The following ZCCHC14 variants were observed in gnomAD, a reference collection of about 807,000 sequenced individuals.
ZCCHC14 encodes the protein zinc finger CCHC-type containing 14.
ZCCHC14 carries 16 observed loss-of-function variants against 85.0 expected under a neutral mutation model. That is an observed-to-expected ratio of 0.19 (90% confidence interval 0.13 to 0.29). ZCCHC14 has a LOEUF of 0.29. ZCCHC14 is among the 10% of genes least tolerant of loss of function. The probability of loss-of-function intolerance (pLI) is 1.00; values close to 1 mark genes in which losing one functional copy is unlikely to be tolerated. For synonymous variants in ZCCHC14, 775 were observed against 630.7 expected (o/e 1.23, Z -3.43); for missense variants, 1,303 against 1,443.5 (o/e 0.90, Z 1.58).
intron 1 of ZCCHC14, among the ~76,000 whole-genome samples, chr16:87,479,700 T>G (rs1912180581): frequency 6.6e-6 from 1 of 152,160 alleles, no homozygotes; most frequent in Admixed American, 6.5e-5. Flanking sequence ...CCAGACAAAC[T>G]TACTTGCAGA....
At chr16:87,482,410 ACCAGCAGTG>A (rs1195934179) in intron 1 of ZCCHC14, among the ~76,000 whole-genome samples, 1 of 152,170 alleles carries the variant, frequency 6.6e-6, no homozygotes, top group Non-Finnish European at 1.5e-5. Flanking sequence ...GAAGAGGAAA[ACCAGCAGTG>A]CCAGAACTGG....
Position 87,492,354 on chromosome 16 carries a change from G to A in ZCCHC14, c.-116C>T. 2 of 213,124 alleles carry A rather than the reference G, an allele frequency of 9.4e-6. No individual in the cohort carries two copies. Among genetic ancestry groups the A allele is most frequent in the Non-Finnish European group, 1.6e-5 (2 of 128,004 alleles). The allele number at this position is 213,124 out of a possible 1,614,324, so 13.2% of individuals were successfully genotyped here. A position where few individuals can be genotyped will look rare whatever the true frequency, so the allele number is the denominator to read the frequency against. On this transcript the variant is annotated 5_prime_UTR_variant, in exon 1 of 13. Coordinates refer to ENST00000671377, the MANE Select transcript of ZCCHC14 (RefSeq NM_015144.3). The surrounding 1 kb of genome is among the most constrained non-coding windows in gnomAD (Gnocchi z 6.7). ...ACCGGGGACGCGCGGGCCGGGGCCGGGTCCGGGCGAGGGCGCGCGGGCGCC... is the reference window on the plus strand; with the variant it reads ...ACCGGGGACGCGCGGGCCGGGGCCGAGTCCGGGCGAGGGCGCGCGGGCGCC...
At chr16:87,480,038 G>C (rs1386660184) in intron 1 of ZCCHC14, among the ~76,000 whole-genome samples, 1 of 151,856 alleles carries the variant, frequency 6.6e-6, no homozygotes, top group Non-Finnish European at 1.5e-5. Context: ...GTCTCCCAAA[G>C]TGCTGGGGTT....
intron 1 of ZCCHC14, among the ~76,000 whole-genome samples, chr16:87,477,884 A>C: frequency 7.2e-6 from 1 of 138,414 alleles, no homozygotes; most frequent in Non-Finnish European, 1.5e-5. Context: ...GAACACCGAC[A>C]CGCCCCCACC....
At position 87,411,986 on chromosome 16, in the gene ZCCHC14, G is replaced by T. The variant is rs958349467; in HGVS notation, c.2735C>A (p.Pro912His). 1.2e-5 allele frequency: 19 copies of T among 1,608,658 alleles called. No individual in the cohort carries two copies. Among genetic ancestry groups the T allele is most frequent in the Admixed American group, 1.7e-5 (1 of 59,864 alleles). Reference protein sequence around the residue: ...HHHHHQQPPAPPQPAPPPPGC... With the variant: ...HHHHHQQPPAHPQPAPPPPGC... ...TGGCGGGGGTGGGGCGGGCTGCGGG[G>T]GTGCCGGGGGCTGCTGATGGTGGTG... Residue 912 changes from proline (P) to histidine (H), a missense_variant, in exon 12 of 13, where the codon CCC (proline) becomes CAC (histidine). Physicochemically the swap from Pro to His is moderately conservative, Grantham distance 77. Around this residue, in one of 7 missense-constraint regions of ZCCHC14, gnomAD observed 797 missense variants for 730.8 expected, o/e 1.09. Transcript: ENST00000671377.
At chr16:87,457,962 C>G (rs927475994) in intron 2 of ZCCHC14, among the ~76,000 whole-genome samples, 5 of 152,242 alleles carry the variant, frequency 3.3e-5, no homozygotes, top group African/African-American at 9.6e-5. Context: ...AATGACCACT[C>G]GTGGCCTCAG....
At position 87,417,644 on chromosome 16, in the gene ZCCHC14, G is replaced by A. The variant is rs774123700; in HGVS notation, c.1199C>T (p.Ser400Phe). The A allele has an allele frequency of 6.2e-7, 1 of 1,613,826 alleles. No homozygotes were observed. The highest frequency in any genetic ancestry group is 8.5e-7 in the Non-Finnish European group (1 of 1,179,936). The change falls in exon 8 of 13, where the codon TCC becomes TTC. Residue 400 changes from serine to phenylalanine, a missense_variant. By Grantham distance (155) the Ser-to-Phe change is radical. Transcript: ENST00000671377. Reference sequence around the variant, plus strand: ...GGCTGAGCCCGCGCTGCCCGCATGGGAGCAGTGAGGCAAGGGGGCGGCGGA... The same window carrying A: ...GGCTGAGCCCGCGCTGCCCGCATGGAAGCAGTGAGGCAAGGGGGCGGCGGA... ...AGSAAPLPHC[S>F]HAGSAGSALA...
chr16:87,469,647 GTTA>G (rs1262595775), intron 1 of ZCCHC14, among the ~76,000 whole-genome samples: 1 of 152,234 alleles, frequency 6.6e-6, no homozygotes, highest in Non-Finnish European at 1.5e-5. Flanking sequence ...GTTAGTTGCT[GTTA>G]TTATTGTGGT....
At chr16:87,459,328 G>C (rs1469373148) in intron 2 of ZCCHC14, among the ~76,000 whole-genome samples, 2 of 151,632 alleles carry the variant, frequency 1.3e-5, no homozygotes, top group African/African-American at 4.8e-5. Flanking sequence ...GGAGGAGGGT[G>C]TAAAACTTAT....
chr16:87,477,796 C>T (rs1178411702), intron 1 of ZCCHC14, among the ~76,000 whole-genome samples: 17 of 151,588 alleles, frequency 1.1e-4, no homozygotes, highest in African/African-American at 4.1e-4. Context: ...CTGCCCCTCA[C>T]CGCACACACC....
chr16:87,443,722 G>C (rs1386059096), intron 2 of ZCCHC14, among the ~76,000 whole-genome samples: 2 of 152,066 alleles, frequency 1.3e-5, no homozygotes, highest in East Asian at 3.9e-4. Flanking sequence ...GGGTGACAGA[G>C]TGAGATACTA....
chr16:87,491,644 G>A lies in ZCCHC14; in HGVS notation c.570+25C>T, dbSNP rs142061712. The A allele has an allele frequency of 2.4e-4, 338 of 1,390,150 alleles. 2 individuals are homozygous for A. The African/African-American group carries it at 4.9e-3, about 20-fold the overall frequency. The allele number at this position is 1,390,150 out of a possible 1,614,324, so 86.1% of individuals were successfully genotyped here. ...TTGGGGATGCAGACTTGGGGTACAG[G>A]GCAGAGCTCGGGGCGGGCACGCACC... On this transcript the variant is annotated intron_variant, in intron 1 of 12. Transcript: ENST00000671377. This position sits in a 1 kb window ranked among gnomAD's most constrained non-coding sequence, Gnocchi z 5.9.
At chr16:87,459,107 G>A (rs1911124858) in intron 2 of ZCCHC14, among the ~76,000 whole-genome samples, 1 of 152,178 alleles carries the variant, frequency 6.6e-6, no homozygotes, top group Non-Finnish European at 1.5e-5. Flanking sequence ...CTCAGGCCGC[G>A]CCTCACTACC....
intron 1 of ZCCHC14, chr16:87,470,570 C>G (rs1911732715): frequency 6.6e-6 from 1 of 152,140 alleles, no homozygotes; most frequent in African/African-American, 2.4e-5. Context: ...TGGGAGGAGT[C>G]TGCTGTTAGG....
chr16:87,417,092 C>T (rs1371811458), intron 8 of ZCCHC14, among the ~76,000 whole-genome samples: 1 of 152,228 alleles, frequency 6.6e-6, no homozygotes, highest in African/African-American at 2.4e-5. Context: ...TCCTCTAGAT[C>T]TGGCCCGCCG....
intron 1 of ZCCHC14, among the ~76,000 whole-genome samples, chr16:87,483,035 A>G (rs1219366501): frequency 6.6e-6 from 1 of 152,160 alleles, no homozygotes; most frequent in Non-Finnish European, 1.5e-5. Context: ...ACTGATAAAT[A>G]TAGCATTTAA....
At chr16:87,477,371 T>C (rs1457131587) in intron 1 of ZCCHC14, among the ~76,000 whole-genome samples, 2 of 152,098 alleles carry the variant, frequency 1.3e-5, no homozygotes, top group Non-Finnish European at 2.9e-5. Flanking sequence ...ACCAAGACCA[T>C]GGATCCCGCC....
chr16:87,471,222 A>C (rs563978439), intron 1 of ZCCHC14: 2 of 152,350 alleles, frequency 1.3e-5, no homozygotes, highest in African/African-American at 4.8e-5. Context: ...TAACGTAAAA[A>C]ACATAAAACA....
At chr16:87,449,591 C>T (rs187435207) in intron 2 of ZCCHC14, among the ~76,000 whole-genome samples, 12 of 152,056 alleles carry the variant, frequency 7.9e-5, no homozygotes, top group African/African-American at 2.4e-4. Context: ...AGTAGTTTTC[C>T]GCCAAATGTC....
Sources: gnomAD v4.1 joint callset for allele counts (sites outside exome capture counted in the v4.1 genomes callset) on GRCh38, gnomAD v4.1.1 for gene constraint, gnomAD v4.1.1 regional missense constraint, Gnocchi (gnomAD v3.1) non-coding constraint, MANE v1.5 for transcripts, NCBI Gene and HGNC (gene_info 2026-07-23, HGNC 2026-07-21) for gene names.